ZFR2: variants seen among roughly 807,000 people sequenced by gnomAD.
ZFR2 encodes the protein zinc finger RNA binding protein 2.
A neutral mutation model predicts 105.7 loss-of-function variants in ZFR2; 104 were observed. The observed-to-expected ratio is 0.98, with a 90% CI of 0.84 to 1.16. ZFR2 has a LOEUF of 1.16. ZFR2 is among the 50% of genes most tolerant of loss of function. The pLI is 0.00. For missense variants in ZFR2, 1,425 were observed against 1,355.5 expected (o/e 1.05, Z -0.80); for synonymous variants, 634 against 597.7 (o/e 1.06, Z -0.89).
At chr19:3,821,984 T>C (rs1275675118) in intron 9 of ZFR2, 97 bp downstream of exon 9, 1 of 1,470,316 alleles carries the variant, frequency 6.8e-7, no homozygotes, top group Admixed American at 2.4e-5. Context: ...GTTCGTCGGA[T>C]CACACGCGCG....
chr19:3,868,869 C>G, intron 1 of ZFR2, 96 bp downstream of exon 1: 1 of 1,042,864 alleles, frequency 9.6e-7, no homozygotes, highest in Non-Finnish European at 1.2e-6. Context: ...GGACTGGGGC[C>G]GGGCCGGGCG....
rs1367604842 is a variant in ZFR2, at chr19:3,858,894, C to T, written c.53+10071G>A. Among the ~76,000 whole-genome samples, 2 of 152,176 alleles carry T rather than the reference C, an allele frequency of 1.3e-5. No individual in the cohort carries two copies. Among genetic ancestry groups the T allele is most frequent in the Non-Finnish European group, 2.9e-5 (2 of 68,030 alleles). The stretch of plus-strand genomic sequence containing the variant: ...CAGCTCATCACCTATTTCTCTATCA[C>T]CCCCATGGCAGATGGAGATGAAGGC... On this transcript the variant is annotated intron_variant, in intron 1 of 18. Coordinates refer to ENST00000262961, the MANE Select transcript of ZFR2 (RefSeq NM_015174.2). This position sits in a 1 kb window ranked among gnomAD's most constrained non-coding sequence, Gnocchi z 4.3.
In ZFR2 at chr19:3,804,866, GT is replaced by G. The variant is rs1347961228; in HGVS notation, c.*1082del. Reference sequence around the variant, plus strand: ...CGCAGCCGCATCCAAAGAAAGTTTTGTTTGTTTGTTTGTTTGTTTGTTTGTT... The same window carrying G: ...CGCAGCCGCATCCAAAGAAAGTTTTGTTGTTTGTTTGTTTGTTTGTTTGTT... On this transcript the variant is annotated 3_prime_UTR_variant, in exon 19 of 19. Coordinates refer to ENST00000262961, the MANE Select transcript of ZFR2 (RefSeq NM_015174.2). 3 of 132,120 alleles carry G rather than the reference GT, an allele frequency of 2.3e-5. No homozygotes were observed. The highest frequency in any genetic ancestry group is 1.3e-4 in the African/African-American group (3 of 23,368). The allele number at this position is 132,120 out of a possible 1,614,324, so 8.2% of individuals were successfully genotyped here. A position where few individuals can be genotyped will look rare whatever the true frequency, so the allele number is the denominator to read the frequency against.
rs2038021294 is a variant in ZFR2, at chr19:3,831,872, T to A, written c.386A>T (p.Gln129Leu). The A allele has an allele frequency of 6.3e-7, 1 of 1,575,724 alleles. No homozygotes were observed. Among genetic ancestry groups the A allele is most frequent in the Non-Finnish European group, 8.6e-7 (1 of 1,165,114 alleles). Residue 129 changes from glutamine (Q) to leucine (L), a missense_variant, in exon 4 of 19, where the codon CAA becomes CTA. Gln to Leu is a moderately radical substitution (Grantham distance 113). Transcript: ENST00000262961. ...TAADSGQPGT[Q>L]EACGQPSPHG... ...GGGGCTGGGCTGCCCGCAGGCTTCT[T>A]GGGTCCCTAGGGGACAGGGACAGGC...
rs1206859994 is a variant in ZFR2, at chr19:3,833,248, CA to C, written c.379+415del. ...TGGGCAACAGAGTGAGACTCCGTCT[CA>C]AAAAAAAAAAAAAAAAAGAAAAGAA... On this transcript the variant is annotated intron_variant, in intron 3 of 18. Coordinates refer to ENST00000262961, the MANE Select transcript of ZFR2 (RefSeq NM_015174.2). 4.6e-3 allele frequency among the ~76,000 whole-genome samples: 350 copies of C among 75,284 alleles called. 2 individuals are homozygous for C. The highest frequency in any genetic ancestry group is 0.011 in the South Asian group (27 of 2,448). The allele number at this position is 75,284 out of a possible 152,430, so 49.4% of individuals were successfully genotyped here.
chr19:3,806,753 C>T lies in ZFR2; in HGVS notation c.2643+419G>A, dbSNP rs562891172. Among the ~76,000 whole-genome samples, 3 of 152,372 alleles carry T rather than the reference C, an allele frequency of 2.0e-5. No individual in the cohort carries two copies. The South Asian group carries it at 6.2e-4, about 32-fold the overall frequency. Reference sequence around the variant, plus strand: ...CAGTGATCCCATTCAAGGCAAAATTCAGAAACGTCAGACCCGATGCGGTTT... The same window carrying T: ...CAGTGATCCCATTCAAGGCAAAATTTAGAAACGTCAGACCCGATGCGGTTT... On this transcript the variant is annotated intron_variant, in intron 18 of 18. Coordinates refer to ENST00000262961, the MANE Select transcript of ZFR2 (RefSeq NM_015174.2).
chr19:3,830,947 G>GCACACATACACACACGCACACACATGCA (rs1215847749), intron 5 of ZFR2, among the ~76,000 whole-genome samples: 14 of 150,734 alleles, frequency 9.3e-5, no homozygotes, highest in African/African-American at 3.4e-4. Flanking sequence ...GCATACATGC[G>GCACACATACACACACGCACACACATGCA]CACACATACA....
chr19:3,808,729 C>T, intron 17 of ZFR2, 143 bp downstream of exon 17: 2 of 640,570 alleles, frequency 3.1e-6, no homozygotes, highest in Non-Finnish European at 5.1e-6. Flanking sequence ...CTGCTGGGAG[C>T]ATGTGTGTGT....
intron 17 of ZFR2, among the ~76,000 whole-genome samples, chr19:3,807,981 G>A (rs531441500): frequency 3.8e-4 from 57 of 149,394 alleles, no homozygotes; most frequent in African/African-American, 1.3e-3. Context: ...GTGCGTGCTT[G>A]TGTGCCCGTG....
At chr19:3,820,161 C>T in intron 11 of ZFR2, 21 bp downstream of exon 11, 1 of 1,550,470 alleles carries the variant, frequency 6.4e-7, no homozygotes. Flanking sequence ...CGCGTTTGCA[C>T]ACAGAGGAAA....
In ZFR2 at chr19:3,827,521, T is replaced by C. The variant is rs1025794379; in HGVS notation, c.985A>G (p.Thr329Ala). The change falls in exon 6 of 19, where the codon ACC (threonine) becomes GCC (alanine). Residue 329 changes from threonine to alanine, a missense_variant. By Grantham distance (58) the Thr-to-Ala change is moderately conservative. Transcript: ENST00000262961. Reference sequence around the variant, plus strand: ...TGGGCCGCGTAGGCGTCCGCCCCGGTGCAGGACACGGCGCACAGGTCGCAA... The same window carrying C: ...TGGGCCGCGTAGGCGTCCGCCCCGGCGCAGGACACGGCGCACAGGTCGCAA... ...LHCDLCAVSC[T>A]GADAYAAHIR... is the part of the protein sequence containing the mutation. 1.3e-6 allele frequency: 2 copies of C among 1,559,996 alleles called. No individual in the cohort carries two copies. The highest frequency in any genetic ancestry group is 1.9e-5 in the Admixed American group (1 of 52,368).
At chr19:3,852,267 G>A in intron 1 of ZFR2, 2 of 596,500 alleles carry the variant, frequency 3.4e-6, no homozygotes, top group Non-Finnish European at 6.0e-6. Flanking sequence ...ATGGGGCTCA[G>A]CTGGGTGGCT....
Position 3,806,044 on chromosome 19 carries a change from C to A in ZFR2, c.2725G>T (p.Ala909Ser), listed in dbSNP as rs1177685381. 2.6e-6 allele frequency: 4 copies of A among 1,537,906 alleles called. No individual in the cohort carries two copies. Among genetic ancestry groups the A allele is most frequent in the Non-Finnish European group, 3.5e-6 (4 of 1,143,022 alleles). The change falls in exon 19 of 19, where the codon GCC (alanine) becomes TCC (serine). Residue 909 changes from alanine to serine, a missense_variant. Transcript: ENST00000262961. ...CCCCGTTGCCTCTTCCGGAAGCGGG[C>A]CCCCAGCCGGTGTCTGGGCGGCAGG... ...DLLPPRHRLG[A>S]RFRKRQRGPG... is the part of the protein sequence containing the mutation.
At chr19:3,818,662 A>G (rs2037851608) in intron 12 of ZFR2, among the ~76,000 whole-genome samples, 1 of 152,044 alleles carries the variant, frequency 6.6e-6, no homozygotes, top group Non-Finnish European at 1.5e-5. Flanking sequence ...GACATGAACT[A>G]CTCTGATTAC....
Position 3,820,282 on chromosome 19 carries a change from T to A in ZFR2, c.1640A>T (p.Glu547Val). Reference sequence around the variant, plus strand: ...CGGCACGTCCTGGGGTGGCTCCTCCTCCAGCCGCCTGCAGGACCGAGACGT... The same window carrying A: ...CGGCACGTCCTGGGGTGGCTCCTCCACCAGCCGCCTGCAGGACCGAGACGT... Reference protein sequence around the residue: ...RRWHAERRRLEEEPPQDVPPH... With the variant: ...RRWHAERRRLVEEPPQDVPPH... The change falls in exon 11 of 19, where the codon GAG becomes GTG. Residue 547 changes from glutamate (E) to valine (V), a missense_variant. Transcript: ENST00000262961. 6.5e-7 allele frequency: 1 copy of A among 1,544,632 alleles called. No individual in the cohort carries two copies. Among genetic ancestry groups the A allele is most frequent in the African/African-American group, 1.4e-5 (1 of 72,980 alleles).
intron 7 of ZFR2, among the ~76,000 whole-genome samples, chr19:3,824,946 C>T (rs1219066751): frequency 4.0e-5 from 6 of 151,898 alleles, no homozygotes; most frequent in African/African-American, 1.5e-4. Context: ...CAAACCAAAA[C>T]AAAACAAAAA....
intron 17 of ZFR2, among the ~76,000 whole-genome samples, chr19:3,808,239 G>A (rs374712933): frequency 6.6e-6 from 1 of 152,038 alleles, no homozygotes; most frequent in Admixed American, 6.6e-5. Flanking sequence ...GCGTGTGCCC[G>A]TGTGTGCAAG....
rs1249681207 is a variant in ZFR2 at position 3,833,747 on chromosome 19, G to A, written c.296C>T (p.Ala99Val). 1.3e-6 allele frequency: 2 copies of A among 1,582,262 alleles called. No individual in the cohort carries two copies. The highest frequency in any genetic ancestry group is 2.3e-5 in the East Asian group (1 of 43,374). Residue 99 changes from alanine to valine, a missense_variant, in exon 3 of 19, where the codon GCC becomes GTC. Ala to Val is a moderately conservative substitution (Grantham distance 64). Coordinates refer to ENST00000262961, the MANE Select transcript of ZFR2 (RefSeq NM_015174.2). Reference protein sequence around the residue: ...DSYSYGQSAAARSYEDRPYFQ... With the variant: ...DSYSYGQSAAVRSYEDRPYFQ... ...GTACGGCCTGTCCTCATAGCTCCTG[G>A]CAGCTGCTGACTGTCCGTAGCTGTA...
intron 1 of ZFR2, chr19:3,852,552 G>C (rs1181629745): frequency 5.6e-6 from 4 of 718,650 alleles, no homozygotes; most frequent in Non-Finnish European, 5.2e-6. Flanking sequence ...GCAGCCAACT[G>C]TCCAAGGCAG....
Sources: gnomAD v4.1 joint callset for allele counts (sites outside exome capture counted in the v4.1 genomes callset) on GRCh38, gnomAD v4.1.1 for gene constraint, Gnocchi (gnomAD v3.1) non-coding constraint, MANE v1.5 for transcripts, NCBI Gene and HGNC (gene_info 2026-07-23, HGNC 2026-07-21) for gene names.